The following DUSP16 variants were observed in gnomAD, a reference collection of about 807,000 sequenced individuals.
The protein encoded by DUSP16 is dual specificity protein phosphatase 16.
In DUSP16, 21 loss-of-function variants were observed where a neutral mutation model predicts 58.3. That is an observed-to-expected ratio of 0.36 (90% CI 0.26 to 0.52). The LOEUF (loss-of-function observed/expected upper bound fraction) is 0.52. DUSP16 is among the 20% of genes least tolerant of loss of function. The pLI is 0.94. For missense variants in DUSP16, 726 were observed against 819.0 expected (o/e 0.89, Z 1.39); for synonymous variants, 320 against 323.8 (o/e 0.99, Z 0.12).
chr12:12,475,786 T>C lies in DUSP16; in HGVS notation c.*1047A>G, dbSNP rs1286140093. ...AAAATTCTGCCATATTATTACATTT[T>C]ACCAACTGTATCCATGCAGTGAAGC... On this transcript the variant is annotated 3_prime_UTR_variant, in exon 7 of 7. Transcript: ENST00000298573. 6.6e-6 allele frequency: 1 copy of C among 152,254 alleles called. No individual in the cohort carries two copies. The highest frequency in any genetic ancestry group is 1.9e-4 in the East Asian group (1 of 5,196). 9.4% of individuals were successfully genotyped at this position (152,254 alleles called of 1,614,324 possible).
intron 1 of DUSP16, 89 bp from the exon 2 acceptor site, chr12:12,521,552 T>C: frequency 6.4e-6 from 3 of 472,192 alleles, no homozygotes; most frequent in Non-Finnish European, 8.4e-6. Flanking sequence ...TGATTCATAA[T>C]ATTTACTCCA....
chr12:12,480,894 T>C (rs1943551889), intron 5 of DUSP16, among the ~76,000 whole-genome samples: 2 of 152,042 alleles, frequency 1.3e-5, no homozygotes, highest in Non-Finnish European at 2.9e-5. Context: ...AATTTTTCTA[T>C]TTTTAGTGGA....
rs150766523 is a variant in DUSP16 at position 12,526,517 on chromosome 12, T to G, written c.-365-5054A>C. Among the ~76,000 whole-genome samples, 49 of 152,380 alleles carry G rather than the reference T, an allele frequency of 3.2e-4. No individual in the cohort carries two copies. The East Asian group carries it at 8.7e-3, about 27-fold the overall frequency. On this transcript the variant is annotated intron_variant, in intron 1 of 6. Coordinates refer to ENST00000298573, the MANE Select transcript of DUSP16 (RefSeq NM_030640.3). ...TATGTTAAAGTGAACAGGTAGGGCC[T>G]GTTTCAACTAAGAGAACAACATAAA...
chr12:12,509,961 T>TACAGGA (rs1944051434), intron 3 of DUSP16, among the ~76,000 whole-genome samples: 1 of 152,120 alleles, frequency 6.6e-6, no homozygotes, highest in African/African-American at 2.4e-5. Flanking sequence ...TTTCTTCTAC[T>TACAGGA]ACAGGAAAAA....
At chr12:12,517,794 A>G (rs1320544934) in intron 3 of DUSP16, among the ~76,000 whole-genome samples, 1 of 152,198 alleles carries the variant, frequency 6.6e-6, no homozygotes, top group Admixed American at 6.5e-5. Flanking sequence ...CTACTAATAC[A>G]TTTAATGTGG....
At chr12:12,492,317 T>C (rs1010398107) in intron 4 of DUSP16, among the ~76,000 whole-genome samples, 1 of 135,692 alleles carries the variant, frequency 7.4e-6, no homozygotes, top group Non-Finnish European at 1.7e-5. Flanking sequence ...CCTACTACAA[T>C]GGAAAAACTG....
chr12:12,520,314 T>G (rs1053201770), intron 2 of DUSP16, among the ~76,000 whole-genome samples: 2 of 152,184 alleles, frequency 1.3e-5, no homozygotes, highest in Admixed American at 1.3e-4. Flanking sequence ...CTAAACAAAC[T>G]TTTTTTAAAA....
At chr12:12,552,517 T>C (rs1944743972) in intron 1 of DUSP16, among the ~76,000 whole-genome samples, 1 of 152,192 alleles carries the variant, frequency 6.6e-6, no homozygotes, top group African/African-American at 2.4e-5. Context: ...TTCACAATTA[T>C]ATGAAAAGAC....
chr12:12,521,444 C>A lies in DUSP16; in HGVS notation c.-346G>T. ...TACCTTTGCTCCCGCGCTCCAACAG[C>A]TTTACACTGGACTGAAAGCCTACGC... is the stretch of plus-strand genomic sequence containing the variant. On this transcript the variant is annotated 5_prime_UTR_variant, in exon 2 of 7. Transcript: ENST00000298573. 2 of 1,138,292 alleles carry A rather than the reference C, an allele frequency of 1.8e-6. No homozygotes were observed. The highest frequency in any genetic ancestry group is 2.2e-6 in the Non-Finnish European group (2 of 921,706). The allele number at this position is 1,138,292 out of a possible 1,614,324, so 70.5% of individuals were successfully genotyped here.
rs1204738299 is a variant in DUSP16, at chr12:12,477,011, G to C, written c.1820C>G (p.Ala607Gly). ...VRRRQKPSDR[A>G]DSRRSWHEES... is the part of the protein sequence containing the mutation. ...TTCATGCCAGCTCCGCCGCGAGTCA[G>C]CTCTGTCACTTGGCTTCTGCCGCCT... The change falls in exon 7 of 7, where the codon GCT becomes GGT. Residue 607 changes from alanine to glycine, a missense_variant. Coordinates refer to ENST00000298573, the MANE Select transcript of DUSP16 (RefSeq NM_030640.3). The surrounding 1 kb of genome is among the most constrained non-coding windows in gnomAD (Gnocchi z 4.1). The C allele has an allele frequency of 1.9e-6, 3 of 1,614,240 alleles. No individual in the cohort carries two copies. The highest frequency in any genetic ancestry group is 2.5e-6 in the Non-Finnish European group (3 of 1,180,048).
At chr12:12,549,662 T>C (rs1214566360) in intron 1 of DUSP16, among the ~76,000 whole-genome samples, 1 of 151,976 alleles carries the variant, frequency 6.6e-6, no homozygotes, top group South Asian at 2.1e-4. Context: ...TATGTTACCA[T>C]CTCTCCCATT....
intron 1 of DUSP16, among the ~76,000 whole-genome samples, chr12:12,532,355 T>C (rs891602129): frequency 6.6e-6 from 1 of 152,268 alleles, no homozygotes; most frequent in East Asian, 1.9e-4. Flanking sequence ...AATATACTTA[T>C]TGACAGCCAA....
chr12:12,525,448 A>G (rs946966127), intron 1 of DUSP16, among the ~76,000 whole-genome samples: 1 of 149,176 alleles, frequency 6.7e-6, no homozygotes, highest in African/African-American at 2.5e-5. Flanking sequence ...TTGTATTTCT[A>G]GTAGAGATGG....
chr12:12,512,437 CA>C (rs1944092990), intron 3 of DUSP16, among the ~76,000 whole-genome samples: 1 of 152,198 alleles, frequency 6.6e-6, no homozygotes, highest in Admixed American at 6.5e-5. Flanking sequence ...AGAACTTACT[CA>C]TCATATCACT....
intron 1 of DUSP16, among the ~76,000 whole-genome samples, chr12:12,550,492 G>T (rs1944709263): frequency 6.6e-6 from 1 of 152,140 alleles, no homozygotes; most frequent in Non-Finnish European, 1.5e-5. Context: ...CACGGTATGT[G>T]GTGATGATGT....
chr12:12,494,743 C>A (rs968240227), intron 4 of DUSP16, among the ~76,000 whole-genome samples: 2 of 152,070 alleles, frequency 1.3e-5, no homozygotes, highest in Non-Finnish European at 2.9e-5. Flanking sequence ...AGGAAGAGAA[C>A]AGGAGAGGTA....
intron 1 of DUSP16, among the ~76,000 whole-genome samples, chr12:12,560,195 AT>A: frequency 6.6e-6 from 1 of 152,260 alleles, no homozygotes; most frequent in Middle Eastern, 3.4e-3. Flanking sequence ...CAAATGAGAT[AT>A]TGTACTTTGA....
chr12:12,528,010 G>C (rs1944329768), intron 1 of DUSP16, among the ~76,000 whole-genome samples: 1 of 152,206 alleles, frequency 6.6e-6, no homozygotes, highest in African/African-American at 2.4e-5. Context: ...TCTGTGAGAA[G>C]CCTTCACCAA....
intron 5 of DUSP16, among the ~76,000 whole-genome samples, chr12:12,481,610 TTCA>T (rs920139243): frequency 2.0e-5 from 3 of 152,236 alleles, no homozygotes; most frequent in African/African-American, 4.8e-5. Context: ...AACATAATTA[TTCA>T]TCATATATAA....
Sources: allele counts gnomAD v4.1 joint callset (sites outside exome capture counted in the v4.1 genomes callset), GRCh38; gene constraint gnomAD v4.1.1; non-coding constraint Gnocchi (gnomAD v3.1); transcripts MANE v1.5; gene names NCBI Gene and HGNC (gene_info 2026-07-23, HGNC 2026-07-21).